MAGI2: variants seen among roughly 807,000 people sequenced by gnomAD.
MAGI2 encodes the protein membrane associated guanylate kinase, WW and PDZ domain containing 2, also known as membrane-associated guanylate kinase, WW and PDZ domain-containing protein 2.
Under a neutral mutation model 133.3 loss-of-function variants are expected in MAGI2, and 35 were observed. That is an observed-to-expected ratio of 0.26 (90% confidence interval 0.20 to 0.35). MAGI2 has a LOEUF of 0.35. Among genes scored for constraint, MAGI2 ranks in the 10% least tolerant of loss-of-function variants. The pLI is 1.00. For missense variants in MAGI2, 1,636 were observed against 1,863.4 expected, an observed-to-expected ratio of 0.88 and a Z score of 2.25; for synonymous variants, 729 against 710.6, an observed-to-expected ratio of 1.03 and a Z score of -0.41.
At chr7:78,858,083 G>T (rs1295571401) in intron 2 of MAGI2, among the ~76,000 whole-genome samples, 1 of 152,068 alleles carries the variant, frequency 6.6e-6, no homozygotes, top group Non-Finnish European at 1.5e-5. Context: ...GTATTTCTTT[G>T]GATCAGTGGT....
rs762305114 is a variant in MAGI2 at position 78,521,527 on chromosome 7, T to G, written c.657A>C (p.Lys219Asn). The change falls in exon 4 of 22, where the codon AAA becomes AAC. Residue 219 changes from lysine (K) to asparagine (N), a missense_variant. By Grantham distance (94) the Lys-to-Asn change is moderately conservative. This residue lies in a region of MAGI2 where 165 missense variants were observed against 128.4 expected (regional missense o/e 1.28). Coordinates refer to ENST00000354212, the MANE Select transcript of MAGI2 (RefSeq NM_012301.4). Reference protein sequence around the residue: ...PSAEGKRKRNKSVSNMEKASI... With the variant: ...PSAEGKRKRNNSVSNMEKASI... ...TGGCTTTCTCCATGTTGCTCACTGATTTATTCCTCTTCCGTTTTCCTTCAG... is the reference window on the plus strand; with the variant it reads ...TGGCTTTCTCCATGTTGCTCACTGAGTTATTCCTCTTCCGTTTTCCTTCAG... 3.1e-6 allele frequency: 5 copies of G among 1,614,150 alleles called. No homozygotes were observed. The Admixed American group carries it at 8.3e-5, about 27-fold the overall frequency.
At chr7:79,092,633 A>G (rs1455938745) in intron 1 of MAGI2, among the ~76,000 whole-genome samples, 3 of 152,138 alleles carry the variant, frequency 2.0e-5, no homozygotes, top group Non-Finnish European at 2.9e-5. Context: ...CCCAATCTCT[A>G]ATTTTAACCA....
At chr7:78,381,315 C>A (rs996302198) in intron 6 of MAGI2, among the ~76,000 whole-genome samples, 8 of 151,818 alleles carry the variant, frequency 5.3e-5, no homozygotes, top group Non-Finnish European at 1.2e-4. Context: ...CCACTGCACT[C>A]CAACCTGGGT....
chr7:78,552,197 T>A (rs1192071509), intron 3 of MAGI2, among the ~76,000 whole-genome samples: 1 of 148,602 alleles, frequency 6.7e-6, no homozygotes, highest in Admixed American at 6.7e-5. Context: ...TTTTTTTTTT[T>A]TTTGAGACAG....
intron 2 of MAGI2, among the ~76,000 whole-genome samples, chr7:78,686,538 A>G (rs1046676038): frequency 6.8e-6 from 1 of 146,932 alleles, no homozygotes; most frequent in Non-Finnish European, 1.5e-5. Flanking sequence ...TATAGCTGTT[A>G]GCTTCCCAAA....
rs570017944 is a variant in MAGI2, at chr7:78,515,059, T to C, written c.754+6371A>G. Among the ~76,000 whole-genome samples, 142 of 152,278 alleles carry C rather than the reference T, an allele frequency of 9.3e-4. 2 individuals are homozygous for C. Among genetic ancestry groups the C allele is most frequent in the African/African-American group, 2.8e-3 (115 of 41,566 alleles). ...AAATGCTTTTAAAATATATGCGCAT[T>C]TCTAATTCTTTGCACTAGGCTTACT... On this transcript the variant is annotated intron_variant, in intron 4 of 21. Transcript: ENST00000354212.
At chr7:79,259,155 G>T (rs929998901) in intron 1 of MAGI2, among the ~76,000 whole-genome samples, 4 of 152,172 alleles carry the variant, frequency 2.6e-5, no homozygotes, top group Non-Finnish European at 5.9e-5. Flanking sequence ...TGCACTCAAT[G>T]AATGTTATAA....
chr7:78,162,114 G>GA (rs1825083949), intron 15 of MAGI2, among the ~76,000 whole-genome samples: 1 of 152,202 alleles, frequency 6.6e-6, no homozygotes, highest in African/African-American at 2.4e-5. Flanking sequence ...ACATTAAATT[G>GA]AAAATCTCCT....
intron 1 of MAGI2, among the ~76,000 whole-genome samples, chr7:79,282,201 C>T (rs1835697474): frequency 6.6e-6 from 1 of 152,136 alleles, no homozygotes; most frequent in Non-Finnish European, 1.5e-5. Context: ...TAGGTATATA[C>T]AGCACTTGTG....
intron 10 of MAGI2, among the ~76,000 whole-genome samples, chr7:78,242,790 A>G (rs1301753020): frequency 6.6e-6 from 1 of 152,090 alleles, no homozygotes; most frequent in Non-Finnish European, 1.5e-5. Flanking sequence ...GTGATTCTTT[A>G]TCTTTGGCCA....
At chr7:79,429,595 G>A (rs144180487) in intron 1 of MAGI2, among the ~76,000 whole-genome samples, 238 of 152,202 alleles carry the variant, frequency 1.6e-3, no homozygotes, top group African/African-American at 5.4e-3. Context: ...ATGAGCTACC[G>A]CATCCAGCCA....
intron 1 of MAGI2, among the ~76,000 whole-genome samples, chr7:79,110,922 T>C (rs930149053): frequency 1.3e-5 from 2 of 152,108 alleles, no homozygotes; most frequent in Non-Finnish European, 2.9e-5. Flanking sequence ...GTACCCCCCA[T>C]ACCCTCTTGT....
At chr7:79,292,770 CAAAAAA>C (rs199933554) in intron 1 of MAGI2, among the ~76,000 whole-genome samples, 67 of 57,390 alleles carry the variant, frequency 1.2e-3, no homozygotes, top group South Asian at 1.5e-3. Context: ...TCAATTTCTG[CAAAAAA>C]AAAAAAAAAA....
At chr7:79,218,128 A>G (rs1035476067) in intron 1 of MAGI2, among the ~76,000 whole-genome samples, 1 of 152,048 alleles carries the variant, frequency 6.6e-6, no homozygotes, top group Non-Finnish European at 1.5e-5. Flanking sequence ...GCTATACTAC[A>G]GAATTTTCTG....
chr7:78,982,695 T>C (rs1281389539), intron 2 of MAGI2, among the ~76,000 whole-genome samples: 1 of 151,822 alleles, frequency 6.6e-6, no homozygotes, highest in African/African-American at 2.4e-5. Flanking sequence ...TTTTATTATA[T>C]ACATTTATGA....
At chr7:78,314,745 T>A (rs1787227068) in intron 9 of MAGI2, among the ~76,000 whole-genome samples, 1 of 152,208 alleles carries the variant, frequency 6.6e-6, no homozygotes. Context: ...CCAGGATAAT[T>A]AAACATTATA....
At chr7:79,106,879 C>A (rs955097268) in intron 1 of MAGI2, among the ~76,000 whole-genome samples, 1 of 152,110 alleles carries the variant, frequency 6.6e-6, no homozygotes, top group Non-Finnish European at 1.5e-5. Context: ...TTAAGAAGAG[C>A]GAATCAATAT....
intron 2 of MAGI2, among the ~76,000 whole-genome samples, chr7:78,959,581 T>A (rs1223069779): frequency 6.6e-6 from 1 of 152,116 alleles, no homozygotes; most frequent in Non-Finnish European, 1.5e-5. Context: ...CATTATAACA[T>A]CTCTTTCATG....
chr7:79,185,577 C>T (rs991298190), intron 1 of MAGI2, among the ~76,000 whole-genome samples: 3 of 145,870 alleles, frequency 2.1e-5, no homozygotes, highest in Admixed American at 7.0e-5. Context: ...TATTCAATGG[C>T]GTTTGCTAAA....
Sources: gnomAD v4.1 joint callset for allele counts (sites outside exome capture counted in the v4.1 genomes callset) on GRCh38, gnomAD v4.1.1 for gene constraint, gnomAD v4.1.1 regional missense constraint, MANE v1.5 for transcripts, NCBI Gene and HGNC (gene_info 2026-07-23, HGNC 2026-07-21) for gene names.